AK9: variants seen among roughly 807,000 people sequenced by gnomAD.
AK9 encodes adenylate kinase 9.
In AK9, 191 loss-of-function variants were observed where a neutral mutation model predicts 239.6. That is an observed-to-expected ratio of 0.80 (90% confidence interval 0.71 to 0.90). AK9 has a LOEUF of 0.90. Among genes scored for constraint, AK9 ranks in the 40% least tolerant of loss-of-function variants. The pLI, the probability that AK9 is intolerant of heterozygous loss-of-function variation, is 0.00. For missense variants in AK9, 1,995 were observed against 2,214.7 expected (o/e 0.90, Z 1.99); for synonymous variants, 689 against 721.0 (o/e 0.96, Z 0.71).
At chr6:109,526,575 AT>A (rs1053719782) in intron 29 of AK9, among the ~76,000 whole-genome samples, 1 of 152,040 alleles carries the variant, frequency 6.6e-6, no homozygotes, top group African/African-American at 2.4e-5. Context: ...AGAGCGATGG[AT>A]TTTTTTATGA....
At chr6:109,631,427 A>G (rs765660379) in intron 12 of AK9, among the ~76,000 whole-genome samples, 2 of 152,224 alleles carry the variant, frequency 1.3e-5, no homozygotes, top group Non-Finnish European at 2.9e-5. Context: ...AACAGATGAA[A>G]GAGGTTCAAC....
At chr6:109,573,839 G>T (rs1344291290) in intron 20 of AK9, among the ~76,000 whole-genome samples, 1 of 152,154 alleles carries the variant, frequency 6.6e-6, no homozygotes, top group African/African-American at 2.4e-5. Context: ...ATTCAAAAAT[G>T]AAATGTTTGT....
intron 12 of AK9, among the ~76,000 whole-genome samples, chr6:109,623,373 A>C (rs1795103079): frequency 6.6e-6 from 1 of 152,154 alleles, no homozygotes. Context: ...AAAACATTAT[A>C]GCTTCCTCCT....
intron 24 of AK9, among the ~76,000 whole-genome samples, chr6:109,554,166 T>G (rs1784684309): frequency 6.6e-6 from 1 of 152,178 alleles, no homozygotes; most frequent in Admixed American, 6.5e-5. Context: ...GCTTTCTTTT[T>G]TTGTTGTGTC....
At chr6:109,510,006 G>A (rs1050733239) in intron 32 of AK9, among the ~76,000 whole-genome samples, 5 of 152,106 alleles carry the variant, frequency 3.3e-5, no homozygotes, top group Admixed American at 1.3e-4. Flanking sequence ...TCTGAGCAGG[G>A]GTTGGGGCCA....
rs71770197 is a variant in AK9, at chr6:109,585,126, GCTT to G, written c.2108_2110del (p.Glu703del). 0.35 allele frequency: 400,735 copies of G among 1,130,146 alleles called. 73,437 individuals are homozygous for G. The highest frequency in any genetic ancestry group is 0.41 in the South Asian group (19,067 of 46,484). The allele number at this position is 1,130,146 out of a possible 1,614,324, so 70.0% of individuals were successfully genotyped here. ...TATCATTCTAGGCAGATTTTACCTT[GCTT>G]CTTCTTCTTCTTTTTTTTTCTTTTG... is the stretch of plus-strand genomic sequence containing the variant. On this transcript the variant is annotated inframe_deletion, in exon 19 of 41. Transcript: ENST00000424296.
rs755349924 is a variant in AK9, at chr6:109,516,055, C to T, written c.3867G>A (p.Leu1289=). ...QIIQDELERY[L]IPIISINGAR... ...CTCCATTAATGGAAATTATTGGTAT[C>T]AAATACCTCTCAAGTTCATCCTGAT... Residue 1289 remains leucine (L), a synonymous_variant, in exon 31 of 41, where the codon TTG becomes TTA. Transcript: ENST00000424296. 3.2e-6 allele frequency: 5 copies of T among 1,549,708 alleles called. No individual in the cohort carries two copies. In the South Asian group the frequency reaches 6.0e-5, roughly 18 times the overall value.
intron 6 of AK9, among the ~76,000 whole-genome samples, chr6:109,661,256 C>T (rs1800376249): frequency 6.6e-6 from 1 of 152,174 alleles, no homozygotes; most frequent in South Asian, 2.1e-4. Flanking sequence ...TTATTCACTA[C>T]ATTAAGCAGT....
At chr6:109,617,846 A>G (rs1298518695) in intron 13 of AK9, among the ~76,000 whole-genome samples, 1 of 136,020 alleles carries the variant, frequency 7.4e-6, no homozygotes, top group Non-Finnish European at 1.7e-5. Context: ...TGCTCACTTG[A>G]GAGACACAGT....
intron 17 of AK9, among the ~76,000 whole-genome samples, chr6:109,598,793 G>T (rs1381068011): frequency 6.6e-6 from 1 of 152,208 alleles, no homozygotes; most frequent in Admixed American, 6.5e-5. Flanking sequence ...GTATCTCATT[G>T]TGGTTTTGAT....
chr6:109,537,140 C>A (rs546237753), intron 27 of AK9, among the ~76,000 whole-genome samples: 1 of 152,054 alleles, frequency 6.6e-6, no homozygotes, highest in Non-Finnish European at 1.5e-5. Flanking sequence ...GGGAGGATTC[C>A]CTCTTTTTCT....
intron 21 of AK9, among the ~76,000 whole-genome samples, chr6:109,572,784 A>G (rs898349902): frequency 1.3e-5 from 2 of 152,134 alleles, no homozygotes; most frequent in African/African-American, 4.8e-5. Flanking sequence ...ATTCAATACT[A>G]ACTCTGCTTG....
At chr6:109,563,757 A>G in intron 23 of AK9, 45 bp from the exon 24 acceptor site, 1 of 1,519,462 alleles carries the variant, frequency 6.6e-7, no homozygotes, top group Non-Finnish European at 8.9e-7. Flanking sequence ...TTAGTAAAAA[A>G]GGTTATTAGC....
intron 29 of AK9, among the ~76,000 whole-genome samples, chr6:109,517,174 T>C (rs1270337097): frequency 6.6e-6 from 1 of 152,158 alleles, no homozygotes. Flanking sequence ...TGTGGTTTCT[T>C]TCAGTTTTCC....
intron 12 of AK9, among the ~76,000 whole-genome samples, chr6:109,624,474 G>T (rs1207871019): frequency 6.6e-6 from 1 of 152,094 alleles, no homozygotes. Flanking sequence ...GACTTCGTTT[G>T]CCTGAATATA....
chr6:109,505,222 G>A (rs1777993131), intron 35 of AK9, among the ~76,000 whole-genome samples: 1 of 152,158 alleles, frequency 6.6e-6, no homozygotes, highest in Non-Finnish European at 1.5e-5. Context: ...AATCCTCACT[G>A]CATTTTTCTT....
chr6:109,579,486 A>G, intron 20 of AK9, 64 bp downstream of exon 20: 9 of 1,421,556 alleles, frequency 6.3e-6, no homozygotes, highest in Non-Finnish European at 8.7e-6. Context: ...TTCACTTGAA[A>G]TACTGCAATT....
Position 109,516,673 on chromosome 6 carries a change from C to T in AK9, c.3634-31G>A, listed in dbSNP as rs759639308. The T allele has an allele frequency of 1.3e-5, 19 of 1,498,684 alleles. No individual in the cohort carries two copies. In the African/African-American group the frequency reaches 2.4e-4, roughly 19 times the overall value. The allele number at this position is 1,498,684 out of a possible 1,614,324, so 92.8% of individuals were successfully genotyped here. On this transcript the variant is annotated intron_variant, in intron 29 of 40. Coordinates refer to ENST00000424296, the MANE Select transcript of AK9 (RefSeq NM_001145128.3). ...GAAGAAAATATTCCCTTTTACTATA[C>T]ATATAAAATATGTAACAAAAGACAC...
intron 29 of AK9, among the ~76,000 whole-genome samples, chr6:109,519,473 G>A (rs1046120942): frequency 6.6e-6 from 1 of 151,960 alleles, no homozygotes; most frequent in Admixed American, 6.6e-5. Context: ...AGCTTCACTA[G>A]TATCTGTTGT....
Sources: gnomAD v4.1 joint callset for allele counts (sites outside exome capture counted in the v4.1 genomes callset) on GRCh38, gnomAD v4.1.1 for gene constraint, MANE v1.5 for transcripts, NCBI Gene and HGNC (gene_info 2026-07-23, HGNC 2026-07-21) for gene names.